SYNE2: variants seen among roughly 807,000 people sequenced by gnomAD.
The protein encoded by SYNE2 is nesprin-2.
A neutral mutation model predicts 856.3 loss-of-function variants in SYNE2; 431 were observed. The ratio of observed to expected loss-of-function variants is 0.50; its 90% CI spans 0.47 to 0.55. The LOEUF (loss-of-function observed/expected upper bound fraction) is 0.55, where lower values mean the gene tolerates loss of function less well. Among genes scored for constraint, SYNE2 ranks in the 20% least tolerant of loss-of-function variants. The pLI is 0.00. For synonymous variants in SYNE2, 2,923 were observed against 2,872.3 expected, an observed-to-expected ratio of 1.02 and a Z score of -0.56; for missense variants, 8,129 against 8,023.2, an observed-to-expected ratio of 1.01 and a Z score of -0.50.
chr14:64,011,310 C>G (rs1229606958), intron 32 of SYNE2, among the ~76,000 whole-genome samples: 1 of 152,152 alleles, frequency 6.6e-6, no homozygotes, highest in Non-Finnish European at 1.5e-5. Context: ...AGCAGATAGT[C>G]ACAGTTGCTT....
chr14:64,205,676 C>CT (rs1361254372), intron 100 of SYNE2, among the ~76,000 whole-genome samples: 1 of 152,148 alleles, frequency 6.6e-6, no homozygotes, highest in East Asian at 1.9e-4. Context: ...TATAGAACAC[C>CT]TTTAAGTATA....
intron 1 of SYNE2, among the ~76,000 whole-genome samples, chr14:63,799,634 G>A (rs1483306074): frequency 6.6e-6 from 1 of 152,118 alleles, no homozygotes; most frequent in Non-Finnish European, 1.5e-5. Flanking sequence ...AACCTGGGAG[G>A]CAGAGCTGGC....
At chr14:64,065,795 T>C in intron 51 of SYNE2, 145 bp downstream of exon 51, 1 of 919,020 alleles carries the variant, frequency 1.1e-6, no homozygotes, top group Non-Finnish European at 1.7e-6. Flanking sequence ...TAAATGTTTA[T>C]AGATGTCAGG....
intron 49 of SYNE2, among the ~76,000 whole-genome samples, chr14:64,058,341 A>C (rs573149856): frequency 1.3e-5 from 2 of 152,296 alleles, no homozygotes; most frequent in East Asian, 3.9e-4. Flanking sequence ...ATGAAGATAT[A>C]GATAGATAAT....
intron 23 of SYNE2, 76 bp downstream of exon 23, chr14:63,995,278 C>T: frequency 7.3e-7 from 1 of 1,362,992 alleles, no homozygotes; most frequent in African/African-American, 1.4e-5. Flanking sequence ...TATCTTTAGC[C>T]TAGGATGAAA....
chr14:64,090,838 T>G, intron 59 of SYNE2, 28 bp from the exon 60 acceptor site: 3 of 1,599,346 alleles, frequency 1.9e-6, no homozygotes, highest in Non-Finnish European at 2.6e-6. Context: ...TTTTCATTTC[T>G]GTAACATGCT....
intron 1 of SYNE2, among the ~76,000 whole-genome samples, chr14:63,897,333 G>C (rs533472888): frequency 6.6e-6 from 1 of 152,070 alleles, no homozygotes; most frequent in Non-Finnish European, 1.5e-5. Context: ...GTGCTGGCTC[G>C]TTTCCCCACC....
At chr14:63,774,966 A>G (rs142969393) in intron 1 of SYNE2, among the ~76,000 whole-genome samples, 2,906 of 152,042 alleles carry the variant, frequency 0.019, 40 homozygotes, top group Admixed American at 0.032. Context: ...TTATTTATTT[A>G]TTTATTTACT....
intron 12 of SYNE2, 118 bp from the exon 13 acceptor site, chr14:63,977,787 T>C: frequency 2.7e-6 from 2 of 740,952 alleles, no homozygotes; most frequent in Admixed American, 4.0e-5. Flanking sequence ...AGGTGGGTTG[T>C]GGGGAGGGTT....
At chr14:64,079,473 A>G (rs2153610815) in intron 55 of SYNE2, among the ~76,000 whole-genome samples, 1 of 152,344 alleles carries the variant, frequency 6.6e-6, no homozygotes, top group South Asian at 2.1e-4. Flanking sequence ...ACAAATCTTA[A>G]GCAGAGGAAC....
intron 2 of SYNE2, among the ~76,000 whole-genome samples, chr14:63,922,691 C>T (rs976701784): frequency 1.3e-5 from 2 of 152,146 alleles, no homozygotes; most frequent in African/African-American, 4.8e-5. Context: ...TTTATCATTT[C>T]ATCGCTATTT....
At chr14:64,204,090 T>C (rs951248598) in intron 100 of SYNE2, among the ~76,000 whole-genome samples, 3 of 152,190 alleles carry the variant, frequency 2.0e-5, no homozygotes, top group Non-Finnish European at 4.4e-5. Flanking sequence ...GCTTTCAAAG[T>C]GATATGATTT....
chr14:63,772,601 AGTGCGGTGGT>A (rs1886957384), intron 1 of SYNE2, among the ~76,000 whole-genome samples: 1 of 149,232 alleles, frequency 6.7e-6, no homozygotes, highest in Admixed American at 6.7e-5. Flanking sequence ...AATTTAGCTG[AGTGCGGTGGT>A]GTGCACCTAT....
At chr14:64,172,954 C>T (rs1230494089) in intron 94 of SYNE2, among the ~76,000 whole-genome samples, 1 of 151,582 alleles carries the variant, frequency 6.6e-6, no homozygotes, top group Non-Finnish European at 1.5e-5. Context: ...AAAAGGTTAT[C>T]TTTGGAATTT....
At chr14:64,095,499 T>C (rs960876211) in intron 61 of SYNE2, among the ~76,000 whole-genome samples, 1 of 152,216 alleles carries the variant, frequency 6.6e-6, no homozygotes. Flanking sequence ...TGTTGACACA[T>C]TGTCAATATT....
intron 61 of SYNE2, among the ~76,000 whole-genome samples, chr14:64,096,664 G>A (rs1430059612): frequency 6.6e-6 from 1 of 152,184 alleles, no homozygotes; most frequent in Non-Finnish European, 1.5e-5. Flanking sequence ...ACAGAATAGG[G>A]GTATTGGCAT....
chr14:64,031,326 A>T lies in SYNE2; in HGVS notation c.7190A>T (p.Glu2397Val), dbSNP rs1346503669. ...QESTQESAAV[E>V]KLEEDWEINK... ...TCTACTCAGGAATCAGCTGCAGTGG[A>T]AAAGTTGGAGGAAGACTGGGAAATA... The change falls in exon 45 of 116, where the codon GAA (glutamate) becomes GTA (valine). Residue 2397 changes from glutamate to valine, a missense_variant. Physicochemically the swap from Glu to Val is moderately radical, Grantham distance 121. Transcript: ENST00000555002. The T allele has an allele frequency of 3.7e-6, 6 of 1,613,238 alleles. No homozygotes were observed. The highest frequency in any genetic ancestry group is 5.1e-6 in the Non-Finnish European group (6 of 1,179,330).
chr14:64,131,649 A>G (rs191912183), intron 76 of SYNE2, among the ~76,000 whole-genome samples: 67 of 152,106 alleles, frequency 4.4e-4, no homozygotes, highest in African/African-American at 1.5e-3. Flanking sequence ...TGGTGTAATC[A>G]TAGCTCATTG....
intron 32 of SYNE2, among the ~76,000 whole-genome samples, chr14:64,013,317 C>G (rs1274614270): frequency 1.8e-5 from 2 of 109,074 alleles, no homozygotes; most frequent in African/African-American, 6.4e-5. Flanking sequence ...TTTTTTTCCT[C>G]ATTAAATTTT....
Sources: allele counts gnomAD v4.1 joint callset (sites outside exome capture counted in the v4.1 genomes callset), GRCh38; gene constraint gnomAD v4.1.1; transcripts MANE v1.5; gene names NCBI Gene and HGNC (gene_info 2026-07-23, HGNC 2026-07-21).